The following CA8 variants were observed in gnomAD, a reference collection of about 807,000 sequenced individuals.
The protein encoded by CA8 is carbonic anhydrase-related protein.
Under a neutral mutation model 41.4 loss-of-function variants are expected in CA8, and 22 were observed. The ratio of observed to expected loss-of-function variants is 0.53; its 90% CI spans 0.38 to 0.76. The LOEUF is 0.76. CA8 is among the 30% of genes least tolerant of loss of function. The probability of loss-of-function intolerance (pLI) is 0.00; values close to 1 mark genes in which losing one functional copy is unlikely to be tolerated. For synonymous variants in CA8, 121 were observed against 130.6 expected (o/e 0.93, Z 0.50); for missense variants, 270 against 352.8 (o/e 0.77, Z 1.88).
At chr8:60,232,220 T>G (rs1028795533) in intron 4 of CA8, 64 bp downstream of exon 4, 165 of 1,288,724 alleles carry the variant, frequency 1.3e-4, no homozygotes, top group Non-Finnish European at 1.6e-4. Context: ...AATAAAAAAA[T>G]TTTACAAAAT....
At chr8:60,202,472 C>T (rs1356151716) in intron 8 of CA8, among the ~76,000 whole-genome samples, 1 of 152,168 alleles carries the variant, frequency 6.6e-6, no homozygotes, top group Non-Finnish European at 1.5e-5. Context: ...CTATGGCACA[C>T]TGCAATTTAT....
rs561248302 is a variant in CA8 at position 60,206,373 on chromosome 8, G to C, written c.*35+2377C>G. Among the ~76,000 whole-genome samples the C allele has an allele frequency of 9.7e-4, 147 of 152,070 alleles. 3 individuals carry two copies. Among genetic ancestry groups the C allele is most frequent in the Non-Finnish European group, 5.6e-4 (38 of 68,014 alleles). Reference sequence around the variant, plus strand: ...TGTGTGCGCGTGTGTGTGTAAAAGAGAGAGAGAAAATAATAATAGTCATTT... The same window carrying C: ...TGTGTGCGCGTGTGTGTGTAAAAGACAGAGAGAAAATAATAATAGTCATTT... On this transcript the variant is annotated intron_variant, in intron 8 of 8. Transcript: ENST00000317995.
At chr8:60,215,615 G>T (rs1343307422) in intron 7 of CA8, among the ~76,000 whole-genome samples, 1 of 152,040 alleles carries the variant, frequency 6.6e-6, no homozygotes. Flanking sequence ...TTTTAAAAAA[G>T]AAATATATAC....
At chr8:60,236,765 A>G (rs899254992) in intron 3 of CA8, among the ~76,000 whole-genome samples, 1 of 152,204 alleles carries the variant, frequency 6.6e-6, no homozygotes, top group African/African-American at 2.4e-5. Flanking sequence ...ATATAAATAC[A>G]TATTAGTGCA....
intron 8 of CA8, among the ~76,000 whole-genome samples, chr8:60,201,050 T>C (rs1257479248): frequency 6.6e-6 from 1 of 152,188 alleles, no homozygotes; most frequent in East Asian, 1.9e-4. Context: ...CTTTGAGAGC[T>C]ATCAGAAGGC....
At chr8:60,253,786 A>C (rs1808530134) in intron 3 of CA8, among the ~76,000 whole-genome samples, 1 of 152,120 alleles carries the variant, frequency 6.6e-6, no homozygotes, top group Non-Finnish European at 1.5e-5. Context: ...TTACCCAGCG[A>C]ACTCCTACTC....
intron 3 of CA8, among the ~76,000 whole-genome samples, chr8:60,255,441 T>C (rs1808601633): frequency 6.6e-6 from 1 of 152,178 alleles, no homozygotes; most frequent in East Asian, 1.9e-4. Flanking sequence ...TTATTGGATC[T>C]CCTCTGAGAA....
intron 2 of CA8, among the ~76,000 whole-genome samples, chr8:60,272,582 C>A (rs1472855052): frequency 6.6e-6 from 1 of 152,270 alleles, no homozygotes; most frequent in East Asian, 1.9e-4. Context: ...TTTGTGCAAG[C>A]TGTCCCTTCT....
intron 7 of CA8, among the ~76,000 whole-genome samples, chr8:60,218,907 C>G (rs1275378287): frequency 6.6e-6 from 1 of 152,046 alleles, no homozygotes; most frequent in East Asian, 1.9e-4. Flanking sequence ...CCTCACATGC[C>G]TGCTAACCCC....
chr8:60,251,897 T>G (rs1808464383), intron 3 of CA8, among the ~76,000 whole-genome samples: 1 of 152,314 alleles, frequency 6.6e-6, no homozygotes, highest in Admixed American at 6.5e-5. Flanking sequence ...GCTTTTTAGC[T>G]CCCTTCATAT....
At chr8:60,225,838 AT>A (rs1807419738) in intron 5 of CA8, among the ~76,000 whole-genome samples, 1 of 152,184 alleles carries the variant, frequency 6.6e-6, no homozygotes. Context: ...AGAGACTGGC[AT>A]TGGGCCAGGC....
At position 60,241,346 on chromosome 8, in the gene CA8, T is replaced by C. The variant is rs564570187; in HGVS notation, c.418-8967A>G. 2.6e-5 allele frequency among the ~76,000 whole-genome samples: 4 copies of C among 152,332 alleles called. No homozygotes were observed. In the South Asian group the frequency reaches 6.2e-4, roughly 24 times the overall value. ...TGTATACAGATAGGTAGAAGAGAAA[T>C]AGGGGAATGTGACAGAGGGCTTCAG... On this transcript the variant is annotated intron_variant, in intron 3 of 8. Coordinates refer to ENST00000317995, the MANE Select transcript of CA8 (RefSeq NM_004056.6).
At chr8:60,190,359 C>T (rs1806081206) in intron 8 of CA8, among the ~76,000 whole-genome samples, 1 of 148,290 alleles carries the variant, frequency 6.7e-6, no homozygotes, top group Non-Finnish European at 1.5e-5. Flanking sequence ...GATGGTAGCT[C>T]AAGAGCACAC....
At chr8:60,223,357 A>T (rs1807314931) in intron 6 of CA8, among the ~76,000 whole-genome samples, 1 of 152,066 alleles carries the variant, frequency 6.6e-6, no homozygotes, top group Non-Finnish European at 1.5e-5. Context: ...TGGTGGTGTG[A>T]CCATGAATCA....
At chr8:60,258,226 C>A (rs976301341) in intron 3 of CA8, among the ~76,000 whole-genome samples, 1 of 152,122 alleles carries the variant, frequency 6.6e-6, no homozygotes. Flanking sequence ...AAATAACAGT[C>A]CTAAAGTGTA....
At chr8:60,265,829 G>T in intron 3 of CA8, 96 bp downstream of exon 3, 1 of 1,314,442 alleles carries the variant, frequency 7.6e-7, no homozygotes, top group Non-Finnish European at 1.1e-6. Flanking sequence ...AAATTCAAGA[G>T]CTATGCATCT....
chr8:60,250,370 G>A (rs1052702061), intron 3 of CA8, among the ~76,000 whole-genome samples: 6 of 152,024 alleles, frequency 3.9e-5, no homozygotes, highest in East Asian at 3.9e-4. Flanking sequence ...AATAGTCCCC[G>A]TTTCTGACAA....
At chr8:60,206,804 A>C (rs1450393828) in intron 8 of CA8, among the ~76,000 whole-genome samples, 2 of 152,236 alleles carry the variant, frequency 1.3e-5, no homozygotes, top group Middle Eastern at 3.4e-3. Flanking sequence ...CTGTGTGCTT[A>C]GGATTTCATC....
intron 3 of CA8, among the ~76,000 whole-genome samples, chr8:60,246,883 T>G (rs1328861455): frequency 1.5e-5 from 2 of 137,560 alleles, no homozygotes; most frequent in African/African-American, 5.5e-5. Flanking sequence ...CACTTTTTTT[T>G]TTTTTTTTTT....
Sources: gnomAD v4.1 joint callset for allele counts (sites outside exome capture counted in the v4.1 genomes callset) on GRCh38, gnomAD v4.1.1 for gene constraint, MANE v1.5 for transcripts, NCBI Gene and HGNC (gene_info 2026-07-23, HGNC 2026-07-21) for gene names.